EPHA5: variants seen among roughly 807,000 people sequenced by gnomAD.
The protein encoded by EPHA5 is ephrin type-A receptor 5.
In EPHA5, 60 loss-of-function variants were observed where a neutral mutation model predicts 105.0. That is an observed-to-expected ratio of 0.57 (90% CI 0.46 to 0.71). EPHA5 has a LOEUF of 0.71. Among genes scored for constraint, EPHA5 ranks in the 30% least tolerant of loss-of-function variants. EPHA5 has a pLI of 0.00. For missense variants in EPHA5, 1,218 were observed against 1,274.7 expected, an observed-to-expected ratio of 0.96 and a Z score of 0.68; for synonymous variants, 513 against 449.1, an observed-to-expected ratio of 1.14 and a Z score of -1.80.
At position 65,452,627 on chromosome 4, in the gene EPHA5, A is replaced by C. The variant is rs538871542; in HGVS notation, c.1403-32062T>G. 2.5e-3 allele frequency among the ~76,000 whole-genome samples: 387 copies of C among 152,112 alleles called. 1 individual carries two copies. Among genetic ancestry groups the C allele is most frequent in the African/African-American group, 8.4e-3 (348 of 41,554 alleles). On this transcript the variant is annotated intron_variant, in intron 5 of 16. Transcript: ENST00000613740. The stretch of plus-strand genomic sequence containing the variant: ...CATCCTATGGCTGTTGGAATGCATA[A>C]ATTAAAAATCAGAAAGTAAATGTGT...
At position 65,612,022 on chromosome 4, in the gene EPHA5, AAAAAAAAAAAAAAAAAAGGAAAG is replaced by A. The variant is rs1744813960; in HGVS notation, c.247-9741_247-9719del. On this transcript the variant is annotated intron_variant, in intron 2 of 16. Coordinates refer to ENST00000613740, the MANE Select transcript of EPHA5 (RefSeq NM_001281766.3). ...ATAGAGCGAGACCCTCTCTCAAAAA[AAAAAAAAAAAAAAAAAAGGAAAG>A]AAAAGAAAAGAAAAGAAAAGAAAAG... is the stretch of plus-strand genomic sequence containing the variant. 2.9e-5 allele frequency among the ~76,000 whole-genome samples: 4 copies of A among 137,274 alleles called. 1 individual carries two copies. The highest frequency in any genetic ancestry group is 4.7e-4 in the South Asian group (2 of 4,252). The allele number at this position is 137,274 out of a possible 152,430, so 90.1% of individuals were successfully genotyped here.
intron 7 of EPHA5, among the ~76,000 whole-genome samples, chr4:65,406,745 CTTTG>C (rs1722397920): frequency 6.6e-6 from 1 of 151,916 alleles, no homozygotes; most frequent in African/African-American, 2.4e-5. Context: ...CTGTTTAGCC[CTTTG>C]TTTGGATTTT....
chr4:65,355,036 G>T (rs1248531633), intron 11 of EPHA5, among the ~76,000 whole-genome samples: 3 of 151,754 alleles, frequency 2.0e-5, no homozygotes, highest in Non-Finnish European at 4.4e-5. Context: ...TTAGGTGAGA[G>T]ATCACATATG....
intron 3 of EPHA5, among the ~76,000 whole-genome samples, chr4:65,539,180 A>G (rs1317617063): frequency 1.3e-5 from 2 of 151,698 alleles, no homozygotes; most frequent in Non-Finnish European, 3.0e-5. Context: ...TCCGAAAACA[A>G]ACTGACTGCC....
chr4:65,582,488 A>T (rs897490559), intron 3 of EPHA5, among the ~76,000 whole-genome samples: 1 of 149,422 alleles, frequency 6.7e-6, no homozygotes, highest in African/African-American at 2.4e-5. Flanking sequence ...AAAAAAAAAA[A>T]GAAAATCCAG....
intron 5 of EPHA5, among the ~76,000 whole-genome samples, chr4:65,473,853 G>T (rs1729526243): frequency 6.8e-6 from 1 of 147,922 alleles, no homozygotes; most frequent in South Asian, 2.1e-4. Flanking sequence ...CCCATTAGTA[G>T]TCCTCATTAC....
At chr4:65,348,493 C>T (rs1722433911) in intron 13 of EPHA5, among the ~76,000 whole-genome samples, 1 of 151,384 alleles carries the variant, frequency 6.6e-6, no homozygotes, top group Non-Finnish European at 1.5e-5. Flanking sequence ...AGCAGGCAGT[C>T]AAGCAAACCA....
At chr4:65,490,820 T>A (rs1731333068) in intron 4 of EPHA5, 108 bp from the exon 5 acceptor site, 1 of 1,123,694 alleles carries the variant, frequency 8.9e-7, no homozygotes, top group Non-Finnish European at 1.3e-6. Flanking sequence ...TTGCAATAAG[T>A]CCTTTAAGTC....
intron 5 of EPHA5, among the ~76,000 whole-genome samples, chr4:65,440,636 G>A (rs1725925143): frequency 6.6e-6 from 1 of 151,640 alleles, no homozygotes; most frequent in African/African-American, 2.4e-5. Context: ...TTTTTTTGTA[G>A]CATCAGGTCT....
intron 8 of EPHA5, among the ~76,000 whole-genome samples, chr4:65,374,399 A>T (rs554948178): frequency 1.3e-5 from 2 of 152,088 alleles, no homozygotes; most frequent in East Asian, 1.9e-4. Context: ...AAAAGGATTT[A>T]AAAAGGCAAC....
At chr4:65,421,219 T>C (rs930012225) in intron 5 of EPHA5, among the ~76,000 whole-genome samples, 3 of 152,072 alleles carry the variant, frequency 2.0e-5, no homozygotes, top group Admixed American at 6.6e-5. Flanking sequence ...CTAATGAAAA[T>C]AGGACTTATA....
Position 65,475,226 on chromosome 4 carries a change from G to T in EPHA5, c.1402+15151C>A, listed in dbSNP as rs115148675. On this transcript the variant is annotated intron_variant, in intron 5 of 16. Coordinates refer to ENST00000613740, the MANE Select transcript of EPHA5 (RefSeq NM_001281766.3). The stretch of plus-strand genomic sequence containing the variant: ...AGGGGGAATAGAATACTCTAAAGAC[G>T]ATGCATGCTTTTGACTAGCTTAATA... Among the ~76,000 whole-genome samples, 1,204 of 152,158 alleles carry T rather than the reference G, an allele frequency of 7.9e-3. 10 individuals are homozygous for T. Among genetic ancestry groups the T allele is most frequent in the Non-Finnish European group, 0.012 (797 of 67,980 alleles).
intron 3 of EPHA5, among the ~76,000 whole-genome samples, chr4:65,587,259 T>C (rs1742210956): frequency 6.6e-6 from 1 of 152,036 alleles, no homozygotes; most frequent in Admixed American, 6.6e-5. Context: ...CAGAGGATGC[T>C]CCCACATCAG....
At chr4:65,605,940 C>G (rs1744191352) in intron 2 of EPHA5, among the ~76,000 whole-genome samples, 1 of 152,028 alleles carries the variant, frequency 6.6e-6, no homozygotes. Flanking sequence ...TCCTATTGTT[C>G]ATTTTAGAAA....
chr4:65,340,718 T>A (rs1367191635), intron 14 of EPHA5, among the ~76,000 whole-genome samples: 1 of 152,160 alleles, frequency 6.6e-6, no homozygotes, highest in Non-Finnish European at 1.5e-5. Context: ...ATGAAACAGA[T>A]GTTTTCTGAA....
At chr4:65,513,694 T>C (rs536134580) in intron 3 of EPHA5, among the ~76,000 whole-genome samples, 9 of 152,266 alleles carry the variant, frequency 5.9e-5, no homozygotes, top group Non-Finnish European at 1.0e-4. Flanking sequence ...CCTCAAAAGA[T>C]TTCTAAGTAC....
In EPHA5 at chr4:65,655,030, T is replaced by A. The variant is rs562871849; in HGVS notation, c.182-11603A>T. Among the ~76,000 whole-genome samples, 3 of 151,300 alleles carry A rather than the reference T, an allele frequency of 2.0e-5. No homozygotes were observed. The South Asian group carries it at 6.2e-4, about 31-fold the overall frequency. ...AATATGCATCAAATCATACTTAGAATTCATTTTTCTTTTGCACAGTGTTAC... is the reference window on the plus strand; with the variant it reads ...AATATGCATCAAATCATACTTAGAAATCATTTTTCTTTTGCACAGTGTTAC... On this transcript the variant is annotated intron_variant, in intron 1 of 16. Transcript: ENST00000613740.
intron 14 of EPHA5, among the ~76,000 whole-genome samples, chr4:65,339,201 C>G (rs28585608): frequency 0.01 from 1,568 of 152,196 alleles, 26 homozygotes; most frequent in African/African-American, 0.036. Flanking sequence ...GCTCTCTGGG[C>G]TCCTTCTATC....
intron 5 of EPHA5, among the ~76,000 whole-genome samples, chr4:65,463,894 C>G (rs1378923086): frequency 2.0e-5 from 3 of 151,888 alleles, no homozygotes; most frequent in Admixed American, 1.3e-4. Context: ...GTGTAGACCT[C>G]AAAGCTGATT....
Sources: allele counts gnomAD v4.1 joint callset (sites outside exome capture counted in the v4.1 genomes callset), GRCh38; gene constraint gnomAD v4.1.1; transcripts MANE v1.5; gene names NCBI Gene and HGNC (gene_info 2026-07-23, HGNC 2026-07-21).